PEX3: variants seen among roughly 807,000 people sequenced by gnomAD.
PEX3 encodes the protein peroxin-3.
In PEX3, 30 loss-of-function variants were observed where a neutral mutation model predicts 55.8. The ratio of observed to expected loss-of-function variants is 0.54; its 90% CI spans 0.40 to 0.73. PEX3 has a LOEUF of 0.73. Ranked by LOEUF, PEX3 falls within the 30% of genes least tolerant of loss-of-function variation. PEX3 has a pLI of 0.00. For missense variants in PEX3, 351 were observed against 432.8 expected (o/e 0.81, Z 1.68); for synonymous variants, 135 against 148.4 (o/e 0.91, Z 0.66).
rs1779758475 is a variant in PEX3, at chr6:143,451,296, A to G, written c.73+181A>G. On this transcript the variant is annotated intron_variant, in intron 1 of 11. Coordinates refer to ENST00000367591, the MANE Select transcript of PEX3 (RefSeq NM_003630.3). The surrounding 1 kb of genome is among the most constrained non-coding windows in gnomAD (Gnocchi z 4.1). ...GTTCTCCCATCTCTGCAGTTGAGAAATGCCTCTGTGCCCTTTGCCCTGTCA... is the reference window on the plus strand; with the variant it reads ...GTTCTCCCATCTCTGCAGTTGAGAAGTGCCTCTGTGCCCTTTGCCCTGTCA... 6.6e-6 allele frequency among the ~76,000 whole-genome samples: 1 copy of G among 152,122 alleles called. No individual in the cohort carries two copies. The highest frequency in any genetic ancestry group is 2.4e-5 in the African/African-American group (1 of 41,436).
Position 143,466,989 on chromosome 6 carries a change from A to G in PEX3, c.288-1133A>G, listed in dbSNP as rs1204488300. Among the ~76,000 whole-genome samples, 2 of 152,052 alleles carry G rather than the reference A, an allele frequency of 1.3e-5. No homozygotes were observed. The highest frequency in any genetic ancestry group is 1.5e-5 in the Non-Finnish European group (1 of 67,930). ...ATAATGTCCAAAAATATATAGTACC[A>G]TAAATCAAATTAACCTAAATATGAT... On this transcript the variant is annotated intron_variant, in intron 3 of 11. Coordinates refer to ENST00000367591, the MANE Select transcript of PEX3 (RefSeq NM_003630.3). This position sits in a 1 kb window ranked among gnomAD's most constrained non-coding sequence, Gnocchi z 5.4.
chr6:143,469,640 C>G lies in PEX3; in HGVS notation c.332-1321C>G, dbSNP rs371317724. On this transcript the variant is annotated intron_variant, in intron 4 of 11. Coordinates refer to ENST00000367591, the MANE Select transcript of PEX3 (RefSeq NM_003630.3). ...ATTCTGTAGGTTGCCTGTTCACTCT[C>G]ATGGTAGTTTCTTTTGCTGTGCAGA... 1.8e-3 allele frequency among the ~76,000 whole-genome samples: 269 copies of G among 152,212 alleles called. 9 individuals are homozygous for G. The South Asian group carries it at 0.052, about 29-fold the overall frequency.
intron 2 of PEX3, among the ~76,000 whole-genome samples, chr6:143,461,581 G>T (rs1373350550): frequency 6.9e-6 from 1 of 143,904 alleles, no homozygotes. Context: ...TGATATACTA[G>T]AAAAAAAAAA....
In PEX3 at chr6:143,484,002, A is replaced by G. The variant is rs1385449411; in HGVS notation, c.942-1150A>G. 2.6e-5 allele frequency among the ~76,000 whole-genome samples: 4 copies of G among 151,982 alleles called. No homozygotes were observed. In the East Asian group the frequency reaches 7.7e-4, roughly 29 times the overall value. ...ATACATAAATCTTCCCACTTCCTTTATTCTTTTTTAAGCATTGCCTCAAAT... is the reference window on the plus strand; with the variant it reads ...ATACATAAATCTTCCCACTTCCTTTGTTCTTTTTTAAGCATTGCCTCAAAT... On this transcript the variant is annotated intron_variant, in intron 10 of 11. Coordinates refer to ENST00000367591, the MANE Select transcript of PEX3 (RefSeq NM_003630.3).
Position 143,471,654 on chromosome 6 carries a change from T to A in PEX3, c.578+43T>A. 7.3e-7 allele frequency: 1 copy of A among 1,361,386 alleles called. No individual in the cohort carries two copies. Among genetic ancestry groups the A allele is most frequent in the East Asian group, 2.3e-5 (1 of 43,626 alleles). 84.3% of individuals were successfully genotyped at this position (1,361,386 alleles called of 1,614,324 possible). ...GACTTTTCTGACTTCTTGATTCTAA[T>A]GAGTGAAAGAAAATTAGAATTGTTC... On this transcript the variant is annotated intron_variant, in intron 7 of 11. Transcript: ENST00000367591. The surrounding 1 kb of genome is among the most constrained non-coding windows in gnomAD (Gnocchi z 5.4).
rs1206126074 is a variant in PEX3, at chr6:143,459,058, A to G, written c.74-27A>G. ...GTGTAGAATTTTTGGTACTCTAATG[A>G]ATATAGTACTTTTTTAATGATTGTA... is the stretch of plus-strand genomic sequence containing the variant. On this transcript the variant is annotated intron_variant, in intron 1 of 11. Transcript: ENST00000367591. This position sits in a 1 kb window ranked among gnomAD's most constrained non-coding sequence, Gnocchi z 4.2. 1 of 1,501,334 alleles carries G rather than the reference A, an allele frequency of 6.7e-7. No individual in the cohort carries two copies. Among genetic ancestry groups the G allele is most frequent in the Admixed American group, 1.7e-5 (1 of 59,698 alleles). The allele number at this position is 1,501,334 out of a possible 1,614,324, so 93.0% of individuals were successfully genotyped here.
intron 9 of PEX3, among the ~76,000 whole-genome samples, chr6:143,478,491 T>G (rs985587659): frequency 3.3e-5 from 5 of 152,086 alleles, no homozygotes; most frequent in Admixed American, 1.3e-4. Flanking sequence ...CACATACACA[T>G]GCACACTGTA....
Position 143,486,466 on chromosome 6 carries a change from A to G in PEX3, c.1038+1218A>G, listed in dbSNP as rs532299706. On this transcript the variant is annotated intron_variant, in intron 11 of 11. Coordinates refer to ENST00000367591, the MANE Select transcript of PEX3 (RefSeq NM_003630.3). The surrounding 1 kb of genome is among the most constrained non-coding windows in gnomAD (Gnocchi z 5.0). Reference sequence around the variant, plus strand: ...ATCGATATAATTGATAATAAAAACAAATGTTTCAATATGGTAAAAACGCCA... The same window carrying G: ...ATCGATATAATTGATAATAAAAACAGATGTTTCAATATGGTAAAAACGCCA... Among the ~76,000 whole-genome samples, 1 of 152,148 alleles carries G rather than the reference A, an allele frequency of 6.6e-6. No individual in the cohort carries two copies. Among genetic ancestry groups the G allele is most frequent in the South Asian group, 2.1e-4 (1 of 4,730 alleles).
chr6:143,459,232 AT>A lies in PEX3; in HGVS notation c.205+19del, dbSNP rs766958222. The A allele has an allele frequency of 2.5e-6, 4 of 1,606,482 alleles. No homozygotes were observed. In the South Asian group the frequency reaches 4.4e-5, roughly 18 times the overall value. ...AATATGACAGGTAAGACAGAGAAAT[AT>A]TTATACATGTGTAAAGTTGTTTGAC... On this transcript the variant is annotated intron_variant, in intron 2 of 11. Transcript: ENST00000367591. This position sits in a 1 kb window ranked among gnomAD's most constrained non-coding sequence, Gnocchi z 4.2.
rs1048632784 is a variant in PEX3, at chr6:143,453,740, C to T, written c.73+2625C>T. ...CACAGGTGTGCACCATCATGCTTGG[C>T]TAATTTTTAATTATTTTGTAGAGAC... On this transcript the variant is annotated intron_variant, in intron 1 of 11. Coordinates refer to ENST00000367591, the MANE Select transcript of PEX3 (RefSeq NM_003630.3). The surrounding 1 kb of genome is among the most constrained non-coding windows in gnomAD (Gnocchi z 4.6). Among the ~76,000 whole-genome samples the T allele has an allele frequency of 3.3e-5, 5 of 152,118 alleles. No homozygotes were observed. The highest frequency in any genetic ancestry group is 1.2e-4 in the African/African-American group (5 of 41,414).
rs762601927 is a variant in PEX3 at position 143,459,194 on chromosome 6, C to T, written c.183C>T (p.Asn61=). 5 of 1,612,072 alleles carry T rather than the reference C, an allele frequency of 3.1e-6. No individual in the cohort carries two copies. In the South Asian group the frequency reaches 3.3e-5, roughly 11 times the overall value. The change falls in exon 2 of 12, where the codon AAC becomes AAT. Residue 61 remains asparagine (N), a synonymous_variant. Transcript: ENST00000367591. The surrounding 1 kb of genome is among the most constrained non-coding windows in gnomAD (Gnocchi z 4.2). ...QARRQYHFES[N]QRTCNMTVLS... The stretch of plus-strand genomic sequence containing the variant: ...GACGACAATATCATTTTGAAAGTAA[C>T]CAGAGGACTTGCAATATGACAGGTA...
chr6:143,484,934 C>T, intron 10 of PEX3: 1 of 515,994 alleles, frequency 1.9e-6, no homozygotes, highest in African/African-American at 1.9e-5. Flanking sequence ...TTGGTAGACA[C>T]AAAAAAACAA....
Position 143,489,722 on chromosome 6 carries a change from A to G in PEX3, c.*496A>G, listed in dbSNP as rs1382323252. 1.3e-5 allele frequency: 2 copies of G among 152,070 alleles called. No individual in the cohort carries two copies. Among genetic ancestry groups the G allele is most frequent in the Non-Finnish European group, 2.9e-5 (2 of 68,002 alleles). 9.4% of individuals were successfully genotyped at this position (152,070 alleles called of 1,614,324 possible). ...CAGCTACCTTTCAAAATAATAAATTATTTGTCTCAAATATACCTTGATGGA... is the reference window on the plus strand; with the variant it reads ...CAGCTACCTTTCAAAATAATAAATTGTTTGTCTCAAATATACCTTGATGGA... On this transcript the variant is annotated 3_prime_UTR_variant, in exon 12 of 12. Coordinates refer to ENST00000367591, the MANE Select transcript of PEX3 (RefSeq NM_003630.3). This position sits in a 1 kb window ranked among gnomAD's most constrained non-coding sequence, Gnocchi z 5.5.
chr6:143,483,948 GA>G lies in PEX3; in HGVS notation c.942-1194del, dbSNP rs138950245. ...TTGAAAAATGCCACAAAGGTACCAT[GA>G]AAAAAAAAATGCCTGCTTCCCTCAG... On this transcript the variant is annotated intron_variant, in intron 10 of 11. Transcript: ENST00000367591. The surrounding 1 kb of genome is among the most constrained non-coding windows in gnomAD (Gnocchi z 4.3). Among the ~76,000 whole-genome samples the G allele has an allele frequency of 0.2, 29,280 of 149,182 alleles. 3,671 individuals are homozygous for G. The highest frequency in any genetic ancestry group is 0.29 in the Non-Finnish European group (19,461 of 67,186).
intron 8 of PEX3, among the ~76,000 whole-genome samples, chr6:143,472,939 A>G (rs1747921178): frequency 6.6e-6 from 1 of 152,236 alleles, no homozygotes. Context: ...TGTCCTGGGT[A>G]GTTGTTACGT....
At chr6:143,474,903 G>T in intron 9 of PEX3, 47 bp downstream of exon 9, 1 of 968,988 alleles carries the variant, frequency 1.0e-6, no homozygotes, top group Admixed American at 1.7e-5. Context: ...TATGTTGAAT[G>T]TACTTGAGAC....
rs926678856 is a variant in PEX3, at chr6:143,488,416, A to T, written c.1039-727A>T. Reference sequence around the variant, plus strand: ...AATTTCTTTTAAAATTAAGTGTATGATATAGCGGTATTGCTTCTTTATTCA... The same window carrying T: ...AATTTCTTTTAAAATTAAGTGTATGTTATAGCGGTATTGCTTCTTTATTCA... On this transcript the variant is annotated intron_variant, in intron 11 of 11. Transcript: ENST00000367591. This position sits in a 1 kb window ranked among gnomAD's most constrained non-coding sequence, Gnocchi z 4.9. Among the ~76,000 whole-genome samples the T allele has an allele frequency of 5.9e-5, 9 of 152,150 alleles. No individual in the cohort carries two copies. The highest frequency in any genetic ancestry group is 2.2e-4 in the African/African-American group (9 of 41,462).
rs751704698 is a variant in PEX3, at chr6:143,482,835, T to C, written c.942-2317T>C. 1.3e-5 allele frequency among the ~76,000 whole-genome samples: 2 copies of C among 152,056 alleles called. No homozygotes were observed. The highest frequency in any genetic ancestry group is 2.9e-5 in the Non-Finnish European group (2 of 67,956). On this transcript the variant is annotated intron_variant, in intron 10 of 11. Coordinates refer to ENST00000367591, the MANE Select transcript of PEX3 (RefSeq NM_003630.3). This position sits in a 1 kb window ranked among gnomAD's most constrained non-coding sequence, Gnocchi z 5.5. Reference sequence around the variant, plus strand: ...TAAATATACTAAGTAAAAACAAATATACTGATCGAAAACAGGTGACTATGT... The same window carrying C: ...TAAATATACTAAGTAAAAACAAATACACTGATCGAAAACAGGTGACTATGT...
rs1779871709 is a variant in PEX3 at position 143,458,201 on chromosome 6, C to T, written c.74-884C>T. On this transcript the variant is annotated intron_variant, in intron 1 of 11. Coordinates refer to ENST00000367591, the MANE Select transcript of PEX3 (RefSeq NM_003630.3). The surrounding 1 kb of genome is among the most constrained non-coding windows in gnomAD (Gnocchi z 6.1). ...TCACATTCCCAGCTAGGAAAACTGA[C>T]TGCCCCTCAGATATAGACTAAAATG... 6.6e-6 allele frequency among the ~76,000 whole-genome samples: 1 copy of T among 152,164 alleles called. No individual in the cohort carries two copies. The highest frequency in any genetic ancestry group is 2.4e-5 in the African/African-American group (1 of 41,460).
Sources: allele counts gnomAD v4.1 joint callset (sites outside exome capture counted in the v4.1 genomes callset), GRCh38; gene constraint gnomAD v4.1.1; non-coding constraint Gnocchi (gnomAD v3.1); transcripts MANE v1.5; gene names NCBI Gene and HGNC (gene_info 2026-07-23, HGNC 2026-07-21).